The following SSB variants were observed in gnomAD, a reference collection of about 807,000 sequenced individuals.
The protein encoded by SSB is small RNA binding exonuclease protection factor La.
SSB carries 17 observed loss-of-function variants against 52.9 expected under a neutral mutation model. The observed-to-expected ratio is 0.32, with a 90% CI of 0.22 to 0.48. The LOEUF is 0.48. Ranked by LOEUF, SSB falls within the 20% of genes least tolerant of loss-of-function variation. SSB has a pLI of 0.99. For missense variants in SSB, 314 were observed against 463.6 expected (o/e 0.68, Z 2.96); for synonymous variants, 111 against 152.1 (o/e 0.73, Z 1.99).
chr2:169,799,643 G>A (rs1236780883), intron 1 of SSB: 1 of 152,192 alleles, frequency 6.6e-6, no homozygotes, highest in Non-Finnish European at 1.5e-5. Flanking sequence ...TGCTTTGTAG[G>A]GGGCCCTAGA....
rs955452220 is a variant in SSB, at chr2:169,812,023, A to T, written c.*267A>T. 6 of 748,530 alleles carry T rather than the reference A, an allele frequency of 8.0e-6. No individual in the cohort carries two copies. Among genetic ancestry groups the T allele is most frequent in the Non-Finnish European group, 1.3e-5 (6 of 464,978 alleles). 46.4% of individuals were successfully genotyped at this position (748,530 alleles called of 1,614,324 possible). On this transcript the variant is annotated 3_prime_UTR_variant, in exon 12 of 12. Coordinates refer to ENST00000260956, the MANE Select transcript of SSB (RefSeq NM_003142.5). The stretch of plus-strand genomic sequence containing the variant: ...TTGTAATATGAGAATGTATTAGTAC[A>T]AACTAACTAATAAAATATATACTAT...
At chr2:169,799,609 A>G (rs1371774604) in intron 1 of SSB, 1 of 152,218 alleles carries the variant, frequency 6.6e-6, no homozygotes, top group Non-Finnish European at 1.5e-5. Flanking sequence ...TGCAGGGTCT[A>G]AATAGTTATT....
chr2:169,810,798 G>T (rs971101493), intron 9 of SSB, 60 bp from the exon 10 acceptor site: 3 of 1,514,484 alleles, frequency 2.0e-6, no homozygotes, highest in Middle Eastern at 1.8e-4. Flanking sequence ...TTTGGACAAA[G>T]AAATTAATTG....
At chr2:169,801,101 AC>A in intron 2 of SSB, 75 bp downstream of exon 2, 2 of 1,208,262 alleles carry the variant, frequency 1.7e-6, no homozygotes, top group Non-Finnish European at 2.3e-6. Context: ...TAATTCTAGT[AC>A]ATGGACATAT....
intron 6 of SSB, 79 bp downstream of exon 6, chr2:169,807,150 TC>T: frequency 8.4e-7 from 1 of 1,187,094 alleles, no homozygotes; most frequent in Non-Finnish European, 1.2e-6. Flanking sequence ...GGAAGTAGTA[TC>T]CCCTGAAAGG....
chr2:169,808,423 T>G, intron 6 of SSB, 59 bp from the exon 7 acceptor site: 3 of 1,345,564 alleles, frequency 2.2e-6, no homozygotes, highest in Non-Finnish European at 3.2e-6. Flanking sequence ...TTATTCAAAA[T>G]AATCTGCAGT....
chr2:169,800,615 T>C (rs1483381248), intron 1 of SSB, among the ~76,000 whole-genome samples: 4 of 151,072 alleles, frequency 2.6e-5, no homozygotes, highest in East Asian at 1.9e-4. Flanking sequence ...TAGATAGTTA[T>C]CTGTTTAAAA....
chr2:169,807,992 ATT>A (rs900723832), intron 6 of SSB, among the ~76,000 whole-genome samples: 86 of 152,054 alleles, frequency 5.7e-4, no homozygotes, highest in African/African-American at 2.0e-3. Flanking sequence ...CTCAAAAATT[ATT>A]TAACATGATT....
rs774983377 is a variant in SSB, at chr2:169,805,692, T to A, written c.198T>A (p.Asn66Lys). Reference protein sequence around the residue: ...NRLNRLTTDFNVIVEALSKSK... With the variant: ...NRLNRLTTDFKVIVEALSKSK... ...TGAACCGTCTAACAACAGACTTTAA[T>A]GTAATTGTGGAAGCATTGAGCAAAT... The change falls in exon 4 of 12, where the codon AAT becomes AAA. Residue 66 changes from asparagine to lysine, a missense_variant. Coordinates refer to ENST00000260956, the MANE Select transcript of SSB (RefSeq NM_003142.5). 1.1e-5 allele frequency: 17 copies of A among 1,613,966 alleles called. No homozygotes were observed. In the South Asian group the frequency reaches 1.2e-4, roughly 11 times the overall value.
intron 1 of SSB, among the ~76,000 whole-genome samples, chr2:169,800,534 CA>C (rs59743225): frequency 3.4e-4 from 27 of 78,280 alleles, no homozygotes; most frequent in East Asian, 3.5e-4. Flanking sequence ...GACTCCGTCT[CA>C]AAAAAAAAAA....
intron 2 of SSB, among the ~76,000 whole-genome samples, chr2:169,802,666 AT>A (rs1689736746): frequency 6.6e-6 from 1 of 152,076 alleles, no homozygotes; most frequent in South Asian, 2.1e-4. Context: ...GCTCATACTA[AT>A]TTTTTTAGTG....
intron 9 of SSB, 93 bp from the exon 10 acceptor site, chr2:169,810,765 G>C (rs765267025): frequency 4.7e-5 from 59 of 1,247,250 alleles, no homozygotes; most frequent in Non-Finnish European, 6.6e-5. Context: ...GACATGGAAG[G>C]TTTGCAGGGT....
intron 10 of SSB, 49 bp from the exon 11 acceptor site, chr2:169,811,132 CAA>C (rs1314074392): frequency 6.3e-7 from 1 of 1,592,778 alleles, no homozygotes; most frequent in Non-Finnish European, 8.5e-7. Context: ...AAAACATTGA[CAA>C]GAGACTTAAA....
intron 9 of SSB, 96 bp downstream of exon 9, chr2:169,810,519 T>C (rs1423331412): frequency 1.7e-6 from 2 of 1,159,422 alleles, no homozygotes; most frequent in East Asian, 5.4e-5. Flanking sequence ...ATTGTGTTTA[T>C]TAAATTAGTT....
intron 2 of SSB, among the ~76,000 whole-genome samples, chr2:169,803,470 G>A (rs1372638176): frequency 3.3e-5 from 5 of 152,134 alleles, no homozygotes; most frequent in South Asian, 4.2e-4. Context: ...GGCTGGTTTC[G>A]AACTCCTGAC....
intron 4 of SSB, 153 bp downstream of exon 4, chr2:169,805,992 A>G (rs780771855): frequency 2.6e-5 from 22 of 849,620 alleles, no homozygotes; most frequent in African/African-American, 2.4e-4. Context: ...TTTTGTTTTG[A>G]GACAGTCTCA....
chr2:169,806,715 A>G (rs1689836620), intron 4 of SSB, 70 bp from the exon 5 acceptor site: 1 of 1,274,670 alleles, frequency 7.8e-7, no homozygotes, highest in Admixed American at 2.1e-5. Context: ...AAAATGAATC[A>G]AATTCTCTCC....
chr2:169,805,050 A>G (rs1487292282), intron 2 of SSB, among the ~76,000 whole-genome samples: 1 of 152,086 alleles, frequency 6.6e-6, no homozygotes, highest in African/African-American at 2.4e-5. Flanking sequence ...GAATCACTTG[A>G]ACCTGGGAAG....
At chr2:169,810,789 T>C in intron 9 of SSB, 69 bp from the exon 10 acceptor site, 2 of 1,479,956 alleles carry the variant, frequency 1.4e-6, no homozygotes, top group Non-Finnish European at 1.8e-6. Context: ...AAAAATTACT[T>C]TGGACAAAGA....
Sources: gnomAD v4.1 joint callset for allele counts (sites outside exome capture counted in the v4.1 genomes callset) on GRCh38, gnomAD v4.1.1 for gene constraint, MANE v1.5 for transcripts, NCBI Gene and HGNC (gene_info 2026-07-23, HGNC 2026-07-21) for gene names.